Variants in MORF4L1 observed in about 807,000 individuals in gnomAD.
MORF4L1 encodes the protein mortality factor 4-like protein 1.
MORF4L1 carries 4 observed loss-of-function variants against 52.9 expected under a neutral mutation model. The ratio of observed to expected loss-of-function variants is 0.08; its 90% CI spans 0.04 to 0.17. The LOEUF (loss-of-function observed/expected upper bound fraction) is 0.17. MORF4L1 is among the 10% of genes least tolerant of loss of function. The probability of loss-of-function intolerance (pLI) is 1.00; values close to 1 mark genes in which losing one functional copy is unlikely to be tolerated. For synonymous variants in MORF4L1, 123 were observed against 134.8 expected, an observed-to-expected ratio of 0.91 and a Z score of 0.61; for missense variants, 214 against 390.4, an observed-to-expected ratio of 0.55 and a Z score of 3.81.
intron 2 of MORF4L1, 141 bp downstream of exon 2, chr15:78,878,400 C>G (rs78369041): frequency 1.7e-6 from 1 of 599,446 alleles, no homozygotes; most frequent in South Asian, 3.1e-5. Context: ...ATTTCTTCAT[C>G]TTTCTGAGAT....
chr15:78,895,229 TAATG>T (rs1328013589), intron 11 of MORF4L1, among the ~76,000 whole-genome samples: 2 of 152,220 alleles, frequency 1.3e-5, no homozygotes, highest in African/African-American at 2.4e-5. Context: ...ATTGTTAAGA[TAATG>T]AAAGGAGAAA....
rs191957110 is a variant in MORF4L1, at chr15:78,887,378, T to C, written c.323+29T>C. 21 of 1,564,206 alleles carry C rather than the reference T, an allele frequency of 1.3e-5. No individual in the cohort carries two copies. In the East Asian group the frequency reaches 4.7e-4, roughly 35 times the overall value. On this transcript the variant is annotated intron_variant, in intron 5 of 11. Coordinates refer to ENST00000426013, the MANE Select transcript of MORF4L1 (RefSeq NM_006791.4). ...AGAAGCTCTTTGTTTTGATTTTGCA[T>C]ACTATATGTGAAGATAATATTTTAT...
chr15:78,883,111 A>G (rs2056632150), intron 3 of MORF4L1, among the ~76,000 whole-genome samples: 1 of 151,490 alleles, frequency 6.6e-6, no homozygotes, highest in South Asian at 2.1e-4. Flanking sequence ...GCTGCTGGGG[A>G]GGCTGAGGCA....
At chr15:78,883,921 C>T (rs907136400) in intron 3 of MORF4L1, among the ~76,000 whole-genome samples, 3 of 152,122 alleles carry the variant, frequency 2.0e-5, no homozygotes, top group African/African-American at 7.2e-5. Flanking sequence ...CTATGAAATT[C>T]TGGGCCAGGC....
At chr15:78,876,703 C>G (rs2056499119) in intron 1 of MORF4L1, 3 of 363,530 alleles carry the variant, frequency 8.3e-6, no homozygotes, top group South Asian at 6.0e-5. Flanking sequence ...TTTTAGTTCT[C>G]GTTCCTGGGC....
intron 10 of MORF4L1, 71 bp from the exon 11 acceptor site, chr15:78,894,749 A>ACCAC: frequency 8.6e-7 from 1 of 1,168,400 alleles, no homozygotes; most frequent in Non-Finnish European, 1.3e-6. Flanking sequence ...GTTTGCTCAC[A>ACCAC]TAATTAAAAT....
chr15:78,890,802 T>C (rs2056788093), intron 5 of MORF4L1, 187 bp from the exon 6 acceptor site: 3 of 476,444 alleles, frequency 6.3e-6, no homozygotes, highest in African/African-American at 2.1e-5. Flanking sequence ...TTTTCTATTA[T>C]GTGGAGAGAG....
At chr15:78,895,631 G>A (rs2056874743) in intron 11 of MORF4L1, among the ~76,000 whole-genome samples, 1 of 152,210 alleles carries the variant, frequency 6.6e-6, no homozygotes, top group African/African-American at 2.4e-5. Context: ...CCAAGCTGTA[G>A]TAGAGGAGTA....
rs376173653 is a variant in MORF4L1, at chr15:78,892,149, C to A, written c.439-63C>A. On this transcript the variant is annotated intron_variant, in intron 7 of 11. Coordinates refer to ENST00000426013, the MANE Select transcript of MORF4L1 (RefSeq NM_006791.4). ...CCTAGTGCCTCTAAAAGTCAGCTCC[C>A]CTCCATGTTTGGTATTTAGCAAGAA... 3.7e-5 allele frequency: 43 copies of A among 1,160,978 alleles called. No individual in the cohort carries two copies. In the African/African-American group the frequency reaches 6.3e-4, roughly 17 times the overall value. The allele number at this position is 1,160,978 out of a possible 1,614,324, so 71.9% of individuals were successfully genotyped here. A position where few individuals can be genotyped will look rare whatever the true frequency, so the allele number is the denominator to read the frequency against.
At chr15:78,886,848 C>G (rs547926218) in intron 4 of MORF4L1, among the ~76,000 whole-genome samples, 7 of 151,376 alleles carry the variant, frequency 4.6e-5, no homozygotes, top group East Asian at 2.0e-4. Flanking sequence ...CCAGCTACTC[C>G]GGAGGCTGAG....
intron 8 of MORF4L1, 85 bp downstream of exon 8, chr15:78,892,398 G>A (rs1372512987): frequency 1.2e-6 from 1 of 846,020 alleles, no homozygotes; most frequent in Non-Finnish European, 2.0e-6. Flanking sequence ...ATGTTATATT[G>A]ACTTGAATTA....
At chr15:78,879,431 A>G (rs1402891471) in intron 2 of MORF4L1, among the ~76,000 whole-genome samples, 1 of 152,066 alleles carries the variant, frequency 6.6e-6, no homozygotes, top group Non-Finnish European at 1.5e-5. Context: ...CATGTTGACC[A>G]GGCTGGTCTT....
intron 1 of MORF4L1, among the ~76,000 whole-genome samples, chr15:78,874,234 A>G (rs2056434162): frequency 6.6e-6 from 1 of 152,244 alleles, no homozygotes; most frequent in Non-Finnish European, 1.5e-5. Context: ...TACGATGTCT[A>G]CATGCGTACG....
At chr15:78,895,334 A>G (rs150280913) in intron 11 of MORF4L1, among the ~76,000 whole-genome samples, 49 of 152,374 alleles carry the variant, frequency 3.2e-4, no homozygotes, top group African/African-American at 1.1e-3. Flanking sequence ...GAAATGAACA[A>G]ACCAGTGAAA....
intron 6 of MORF4L1, 107 bp from the exon 7 acceptor site, chr15:78,891,377 C>A: frequency 1.2e-6 from 1 of 830,360 alleles, no homozygotes; most frequent in Non-Finnish European, 2.0e-6. Flanking sequence ...GAGGTAACAG[C>A]TGTGTAATGG....
intron 3 of MORF4L1, among the ~76,000 whole-genome samples, chr15:78,882,458 C>G (rs1466482532): frequency 6.6e-6 from 1 of 152,174 alleles, no homozygotes; most frequent in East Asian, 1.9e-4. Context: ...TAGAAGTAAA[C>G]TGTGCTTTTA....
chr15:78,876,593 C>T, intron 1 of MORF4L1: 1 of 455,952 alleles, frequency 2.2e-6, no homozygotes, highest in Non-Finnish European at 4.4e-6. Flanking sequence ...AATGGTAGGC[C>T]ATTTTCAGAG....
chr15:78,875,616 GTCTCTACTAAAAATACAAAAAT>G, intron 1 of MORF4L1, among the ~76,000 whole-genome samples: 1 of 139,134 alleles, frequency 7.2e-6, no homozygotes, highest in East Asian at 2.4e-4. Flanking sequence ...GTGAAACCCA[GTCTCTACTAAAAATACAAAAAT>G]TAGCAGGGCG....
chr15:78,874,157 T>C (rs1567295098), intron 1 of MORF4L1, among the ~76,000 whole-genome samples: 1 of 152,308 alleles, frequency 6.6e-6, no homozygotes, highest in African/African-American at 2.4e-5. Flanking sequence ...TAAAGTCCTG[T>C]TGAGAAAGGA....
Sources: gnomAD v4.1 joint callset for allele counts (sites outside exome capture counted in the v4.1 genomes callset) on GRCh38, gnomAD v4.1.1 for gene constraint, MANE v1.5 for transcripts, NCBI Gene and HGNC (gene_info 2026-07-23, HGNC 2026-07-21) for gene names.